The following NOTCH2NLR variants were observed in gnomAD, a reference collection of about 807,000 sequenced individuals.
NOTCH2NLR encodes the protein notch 2 N-terminal like R (pseudogene).
NOTCH2NLR carries 33 observed loss-of-function variants against 35.6 expected under a neutral mutation model. The observed-to-expected ratio is 0.93, with a 90% confidence interval of 0.70 to 1.24. The LOEUF (loss-of-function observed/expected upper bound fraction) is 1.24. NOTCH2NLR is among the 50% of genes most tolerant of loss of function. The pLI is 0.00. For missense variants in NOTCH2NLR, 276 were observed against 362.2 expected (o/e 0.76, Z 1.93); for synonymous variants, 103 against 141.0 (o/e 0.73, Z 1.91).
In NOTCH2NLR at chr1:120,724,155, A is replaced by C. The variant is rs1377705554; in HGVS notation, c.-23A>C. On this transcript the variant is annotated 5_prime_UTR_variant, in exon 1 of 5. Transcript: ENST00000624419. ...GCGGCGGCGGCGGCGGCGGCGGAGG[A>C]GGAGGAGGAGGCGACCGAGAAGATG... is the stretch of plus-strand genomic sequence containing the variant. The C allele has an allele frequency of 4.6e-4, 605 of 1,314,808 alleles. 109 individuals carry two copies. The highest frequency in any genetic ancestry group is 2.4e-3 in the South Asian group (156 of 66,294). The allele number at this position is 1,314,808 out of a possible 1,614,324, so 81.4% of individuals were successfully genotyped here.
chr1:120,776,520 A>G, intron 2 of NOTCH2NLR, among the ~76,000 whole-genome samples: 1 of 29,750 alleles, frequency 3.4e-5, no homozygotes, highest in Non-Finnish European at 5.5e-5. Flanking sequence ...AAATCTAAGA[A>G]TTCAAGAATC....
In NOTCH2NLR at chr1:120,770,016, A is replaced by C. The variant is rs1193116640; in HGVS notation, c.155+6307A>C. Among the ~76,000 whole-genome samples, 3 of 112,940 alleles carry C rather than the reference A, an allele frequency of 2.7e-5. 1 individual carries two copies. The highest frequency in any genetic ancestry group is 5.6e-5 in the Non-Finnish European group (3 of 53,836). The allele number at this position is 112,940 out of a possible 152,430, so 74.1% of individuals were successfully genotyped here. On this transcript the variant is annotated intron_variant, in intron 2 of 4. Transcript: ENST00000624419. ...GTTCAAAAAATCAAAATTAATGCAA[A>C]ATAAGTTGAAAATTATCAAAATTTT...
chr1:120,752,519 A>AATATAT (rs1204399606), intron 1 of NOTCH2NLR, among the ~76,000 whole-genome samples: 149 of 14,638 alleles, frequency 0.01, no homozygotes, highest in African/African-American at 0.026. Context: ...GAAGTTCAGG[A>AATATAT]ATATATATAT....
Position 120,785,051 on chromosome 1 carries a change from C to A in NOTCH2NLR, c.233C>A (p.Thr78Asn). The A allele has an allele frequency of 6.2e-6, 9 of 1,445,390 alleles. 3 individuals are homozygous for A. Among genetic ancestry groups the A allele is most frequent in the South Asian group, 1.2e-5 (1 of 83,164 alleles). The allele number at this position is 1,445,390 out of a possible 1,614,324, so 89.5% of individuals were successfully genotyped here. A position where few individuals can be genotyped will look rare whatever the true frequency, so the allele number is the denominator to read the frequency against. The change falls in exon 3 of 5, where the codon ACT becomes AAT. Residue 78 changes from threonine to asparagine, a missense_variant. Transcript: ENST00000624419. ...AAGAACCGCTGCCAGAATGGTGGGACTTGTGTGGCCCAGGCCATGCTGGGG... is the reference window on the plus strand; with the variant it reads ...AAGAACCGCTGCCAGAATGGTGGGAATTGTGTGGCCCAGGCCATGCTGGGG...
intron 1 of NOTCH2NLR, among the ~76,000 whole-genome samples, chr1:120,761,351 G>A (rs1651135175): frequency 8.9e-6 from 1 of 112,804 alleles, no homozygotes; most frequent in African/African-American, 5.4e-5. Context: ...TGTTGCTGGT[G>A]GATCACAGGG....
Position 120,778,139 on chromosome 1 carries a change from A to G in NOTCH2NLR, c.156-6835A>G, listed in dbSNP as rs1413829774. Among the ~76,000 whole-genome samples, 17 of 89,428 alleles carry G rather than the reference A, an allele frequency of 1.9e-4. 2 individuals carry two copies. The highest frequency in any genetic ancestry group is 8.8e-3 in the Middle Eastern group (2 of 228). The allele number at this position is 89,428 out of a possible 152,430, so 58.7% of individuals were successfully genotyped here. ...TAAGCTGGCATTATGGTCACAGGAA[A>G]GAACAGACTGATTTGGAGCCTTTCA... On this transcript the variant is annotated intron_variant, in intron 2 of 4. Coordinates refer to ENST00000624419, the Ensembl canonical transcript of NOTCH2NLR.
chr1:120,724,134 C>T (rs2101331133), exon 1 of NOTCH2NLR: 2 of 1,358,416 alleles, frequency 1.5e-6, no homozygotes, highest in East Asian at 2.6e-5. Context: ...GCCCAGGCGG[C>T]GGCGGCGGCG....
At chr1:120,770,725 G>A (rs1651254207) in intron 2 of NOTCH2NLR, among the ~76,000 whole-genome samples, 1 of 119,286 alleles carries the variant, frequency 8.4e-6, no homozygotes, top group Admixed American at 7.9e-5. Flanking sequence ...CGTGGAAAAT[G>A]TACTGTCACC....
chr1:120,785,101 G>C lies in NOTCH2NLR; in HGVS notation c.283G>C (p.Gly95Arg), dbSNP rs1305513404. The C allele has an allele frequency of 3.8e-5, 55 of 1,446,236 alleles. 12 individuals are homozygous for C. In the Admixed American group the frequency reaches 1.1e-3, roughly 28 times the overall value. The allele number at this position is 1,446,236 out of a possible 1,614,324, so 89.6% of individuals were successfully genotyped here. ...GAAAGCCACGTGCCGGTGTGCCTCA[G>C]GGTTTACAGGAGAGGACTGCCAGTA... Residue 95 changes from glycine (G) to arginine (R), a missense_variant, in exon 3 of 5, where the codon GGG becomes CGG. Coordinates refer to ENST00000624419, the Ensembl canonical transcript of NOTCH2NLR.
chr1:120,794,427 T>A (rs1651534475), downstream of NOTCH2NLR, among the ~76,000 whole-genome samples: 1 of 115,342 alleles, frequency 8.7e-6, no homozygotes, highest in Non-Finnish European at 1.7e-5. Context: ...CAAATATCCT[T>A]AGTACAAAAA....
Position 120,790,423 on chromosome 1 carries a change from T to G in NOTCH2NLR, c.416-2738T>G, listed in dbSNP as rs1237031867. On this transcript the variant is annotated intron_variant, in intron 3 of 4. Coordinates refer to ENST00000624419, the Ensembl canonical transcript of NOTCH2NLR. Reference sequence around the variant, plus strand: ...GTGATAGCACTATACCTCAGTCAGCTTACTAGCTCATCTCCACTCAGAGAT... The same window carrying G: ...GTGATAGCACTATACCTCAGTCAGCGTACTAGCTCATCTCCACTCAGAGAT... Among the ~76,000 whole-genome samples the G allele has an allele frequency of 1.2e-4, 14 of 116,438 alleles. 4 individuals carry two copies. Among genetic ancestry groups the G allele is most frequent in the African/African-American group, 7.1e-4 (14 of 19,808 alleles). The allele number at this position is 116,438 out of a possible 152,430, so 76.4% of individuals were successfully genotyped here. A position where few individuals can be genotyped will look rare whatever the true frequency, so the allele number is the denominator to read the frequency against.
intron 2 of NOTCH2NLR, among the ~76,000 whole-genome samples, chr1:120,777,998 G>A (rs1489712081): frequency 4.9e-5 from 4 of 82,064 alleles, no homozygotes; most frequent in South Asian, 3.5e-4. Context: ...GTTTGTAGTC[G>A]GAGCCTTGGG....
chr1:120,793,370 T>C lies in NOTCH2NLR; in HGVS notation c.625T>C (p.Cys209Arg), dbSNP rs1377735295. Residue 209 changes from cysteine (C) to arginine (R), a missense_variant, in exon 4 of 5, where the codon TGC (cysteine) becomes CGC (arginine). Transcript: ENST00000624419. ...CCTGCCTGGTTCCTACCAGTGCCAG[T>C]GCCTTCAGGGCTTCACAGGCCAGTA... 7.7e-5 allele frequency: 110 copies of C among 1,431,744 alleles called. 26 individuals are homozygous for C. The East Asian group carries it at 1.1e-3, about 15-fold the overall frequency. The allele number at this position is 1,431,744 out of a possible 1,614,324, so 88.7% of individuals were successfully genotyped here.
chr1:120,779,481 G>A (rs1651337910), intron 2 of NOTCH2NLR, among the ~76,000 whole-genome samples: 1 of 118,194 alleles, frequency 8.5e-6, no homozygotes, highest in Non-Finnish European at 1.7e-5. Context: ...AGAGAAGAGA[G>A]AGTAAGTAAA....
In NOTCH2NLR at chr1:120,723,997, G is replaced by A; in HGVS notation, c.-181G>A. On this transcript the variant is annotated 5_prime_UTR_variant, in exon 1 of 5. Coordinates refer to ENST00000624419, the Ensembl canonical transcript of NOTCH2NLR. The stretch of plus-strand genomic sequence containing the variant: ...GGCGGCCGAGGAGCGGCGGACTCGG[G>A]GCGCGGGGAGTCGAGGCATTTGCAC... 8.2e-6 allele frequency: 10 copies of A among 1,216,738 alleles called. 3 individuals are homozygous for A. The South Asian group carries it at 1.4e-4, about 17-fold the overall frequency. The allele number at this position is 1,216,738 out of a possible 1,614,324, so 75.4% of individuals were successfully genotyped here. A position where few individuals can be genotyped will look rare whatever the true frequency, so the allele number is the denominator to read the frequency against.
rs1330020611 is a variant in NOTCH2NLR, at chr1:120,727,779, C to T, written c.73+3529C>T. Among the ~76,000 whole-genome samples, 5 of 117,648 alleles carry T rather than the reference C, an allele frequency of 4.2e-5. 1 individual carries two copies. The South Asian group carries it at 1.2e-3, about 29-fold the overall frequency. 77.2% of individuals were successfully genotyped at this position (117,648 alleles called of 152,430 possible). ...ATTTGAACTATTAATTTTCCTTCCACGCTTTCCTGATTTTCCTGTTTTTGT... is the reference window on the plus strand; with the variant it reads ...ATTTGAACTATTAATTTTCCTTCCATGCTTTCCTGATTTTCCTGTTTTTGT... On this transcript the variant is annotated intron_variant, in intron 1 of 4. Coordinates refer to ENST00000624419, the Ensembl canonical transcript of NOTCH2NLR.
intron 2 of NOTCH2NLR, among the ~76,000 whole-genome samples, chr1:120,781,677 C>A (rs1651362926): frequency 1.3e-5 from 1 of 75,926 alleles, no homozygotes; most frequent in Non-Finnish European, 2.3e-5. Flanking sequence ...CATTCTCCTG[C>A]CTCAGCCTCC....
chr1:120,743,726 T>C lies in NOTCH2NLR; in HGVS notation c.73+19476T>C, dbSNP rs1361467621. Among the ~76,000 whole-genome samples, 6 of 114,674 alleles carry C rather than the reference T, an allele frequency of 5.2e-5. 1 individual carries two copies. The highest frequency in any genetic ancestry group is 1.0e-4 in the Non-Finnish European group (6 of 57,218). The allele number at this position is 114,674 out of a possible 152,430, so 75.2% of individuals were successfully genotyped here. A position where few individuals can be genotyped will look rare whatever the true frequency, so the allele number is the denominator to read the frequency against. ...ACCTTGTTCATTTTTTGAGAACTAATGTAGAGTTTGAAAAAACACCGTAAG... is the reference window on the plus strand; with the variant it reads ...ACCTTGTTCATTTTTTGAGAACTAACGTAGAGTTTGAAAAAACACCGTAAG... On this transcript the variant is annotated intron_variant, in intron 1 of 4. Coordinates refer to ENST00000624419, the Ensembl canonical transcript of NOTCH2NLR.
rs1286675689 is a variant in NOTCH2NLR at position 120,730,663 on chromosome 1, G to A, written c.73+6413G>A. ...TTGTGGTCTTAAAAAGGAGAGTAAA[G>A]CCAAGAAAGGGGGATGATAAAGCCA... On this transcript the variant is annotated intron_variant, in intron 1 of 4. Transcript: ENST00000624419. Among the ~76,000 whole-genome samples the A allele has an allele frequency of 1.9e-5, 2 of 106,930 alleles. 1 individual carries two copies. The highest frequency in any genetic ancestry group is 1.8e-4 in the Admixed American group (2 of 11,092). 70.2% of individuals were successfully genotyped at this position (106,930 alleles called of 152,430 possible). A position where few individuals can be genotyped will look rare whatever the true frequency, so the allele number is the denominator to read the frequency against.
Sources: allele counts gnomAD v4.1 joint callset (sites outside exome capture counted in the v4.1 genomes callset), GRCh38; gene constraint gnomAD v4.1.1; transcripts MANE v1.5; gene names NCBI Gene and HGNC (gene_info 2026-07-23, HGNC 2026-07-21).